PABPC1L: variants seen among roughly 807,000 people sequenced by gnomAD.
PABPC1L encodes poly(A) binding protein cytoplasmic 1 like.
Under a neutral mutation model 66.6 loss-of-function variants are expected in PABPC1L, and 31 were observed. The ratio of observed to expected loss-of-function variants is 0.47; its 90% CI spans 0.35 to 0.63. PABPC1L has a LOEUF of 0.63. PABPC1L is among the 20% of genes least tolerant of loss of function. The pLI is 0.00. For missense variants in PABPC1L, 722 were observed against 848.8 expected (o/e 0.85, Z 1.86); for synonymous variants, 348 against 335.1 (o/e 1.04, Z -0.42).
rs749525367 is a variant in PABPC1L, at chr20:44,933,748, A to ATTT, written c.1459+581_1459+583dup. Among the ~76,000 whole-genome samples, 132 of 119,452 alleles carry ATTT rather than the reference A, an allele frequency of 1.1e-3. 1 individual carries two copies. The highest frequency in any genetic ancestry group is 3.9e-3 in the African/African-American group (121 of 30,640). 78.4% of individuals were successfully genotyped at this position (119,452 alleles called of 152,430 possible). ...GCATGAGCCACTGTGCCCAGCCTTAATTTTTTTTTTTTTTTTTTTTGAGAT... is the reference window on the plus strand; with the variant it reads ...GCATGAGCCACTGTGCCCAGCCTTAATTTTTTTTTTTTTTTTTTTTTTTGAGAT... On this transcript the variant is annotated intron_variant, in intron 10 of 14. Coordinates refer to ENST00000217073, the MANE Select transcript of PABPC1L (RefSeq NM_001372179.1).
Position 44,935,515 on chromosome 20 carries a change from G to A in PABPC1L, c.1566+18G>A, listed in dbSNP as rs1266296428. On this transcript the variant is annotated intron_variant, in intron 11 of 14. Transcript: ENST00000217073. ...CCTATCGGGTAAGGCCAGCCCAGCT[G>A]CCTGCTCTTAGCCTGGGCTCCTGGC... 6.2e-7 allele frequency: 1 copy of A among 1,609,530 alleles called. No homozygotes were observed.
At chr20:44,923,173 T>G (rs2066785963) in intron 6 of PABPC1L, among the ~76,000 whole-genome samples, 1 of 152,258 alleles carries the variant, frequency 6.6e-6, no homozygotes, top group Non-Finnish European at 1.5e-5. Flanking sequence ...AACAGTGAGA[T>G]GCACAGACTC....
In PABPC1L at chr20:44,912,761, G is replaced by A. The variant is rs1199971859; in HGVS notation, c.295G>A (p.Gly99Ser). The change falls in exon 2 of 15, where the codon GGC (glycine) becomes AGC (serine). Residue 99 changes from glycine to serine, a missense_variant. Coordinates refer to ENST00000217073, the MANE Select transcript of PABPC1L (RefSeq NM_001372179.1). ...CCCAGGACTTCGCAAGTCAGGTGTGGGCAACATCTTCATCAAGAACCTGGA... is the reference window on the plus strand; with the variant it reads ...CCCAGGACTTCGCAAGTCAGGTGTGAGCAACATCTTCATCAAGAACCTGGA... ...RDPGLRKSGV[G>S]NIFIKNLEDS... The A allele has an allele frequency of 1.2e-6, 2 of 1,613,934 alleles. No homozygotes were observed. The highest frequency in any genetic ancestry group is 8.5e-7 in the Non-Finnish European group (1 of 1,179,996).
chr20:44,937,410 C>A (rs1568653942), intron 12 of PABPC1L, among the ~76,000 whole-genome samples: 1 of 151,774 alleles, frequency 6.6e-6, no homozygotes, highest in African/African-American at 2.4e-5. Context: ...TCCCCTCACC[C>A]CGAAATTTTT....
At chr20:44,935,282 T>C in intron 10 of PABPC1L, 109 bp from the exon 11 acceptor site, 1 of 771,844 alleles carries the variant, frequency 1.3e-6, no homozygotes, top group South Asian at 1.7e-5. Context: ...CTTTACATTC[T>C]TGTCAACGCT....
intron 8 of PABPC1L, among the ~76,000 whole-genome samples, chr20:44,931,050 C>T (rs1568650043): frequency 7.4e-5 from 1 of 13,550 alleles, no homozygotes; most frequent in East Asian, 2.2e-3. Flanking sequence ...CCTCCCTTCC[C>T]TTCCCTTCCC....
At chr20:44,935,029 C>T (rs548448994) in intron 10 of PABPC1L, among the ~76,000 whole-genome samples, 38 of 151,204 alleles carry the variant, frequency 2.5e-4, no homozygotes, top group African/African-American at 7.1e-4. Context: ...GATAACACCA[C>T]TGCACTATAG....
rs1555799624 is a variant in PABPC1L at position 44,931,014 on chromosome 20, T to TCCC, written c.1239+288_1239+289insCCC. Among the ~76,000 whole-genome samples, 395 of 67,712 alleles carry TCCC rather than the reference T, an allele frequency of 5.8e-3. 8 individuals carry two copies. Among genetic ancestry groups the TCCC allele is most frequent in the African/African-American group, 0.028 (381 of 13,850 alleles). The allele number at this position is 67,712 out of a possible 152,430, so 44.4% of individuals were successfully genotyped here. A position where few individuals can be genotyped will look rare whatever the true frequency, so the allele number is the denominator to read the frequency against. On this transcript the variant is annotated intron_variant, in intron 8 of 14. Coordinates refer to ENST00000217073, the MANE Select transcript of PABPC1L (RefSeq NM_001372179.1). ...CCTACATTTTTCCTTCCTCCCTTCC[T>TCCC]TCCCTTCCCTCCCTTCCCTCCCTTC...
chr20:44,938,059 A>G lies in PABPC1L; in HGVS notation c.1661-2A>G. 1 of 1,614,164 alleles carries G rather than the reference A, an allele frequency of 6.2e-7. No individual in the cohort carries two copies. ...CAAGCCATTAGAAGGTGTTCCACAC[A>G]GGGGAGCGTCTCTACCCCCTTATCC... On this transcript the variant is annotated splice_acceptor_variant, in intron 12 of 14. Coordinates refer to ENST00000217073, the MANE Select transcript of PABPC1L (RefSeq NM_001372179.1). LOFTEE classifies it high-confidence loss of function.
chr20:44,921,948 T>G (rs1192495419), intron 6 of PABPC1L, among the ~76,000 whole-genome samples: 1 of 152,104 alleles, frequency 6.6e-6, no homozygotes, highest in African/African-American at 2.4e-5. Flanking sequence ...TTAGTAGGGG[T>G]GCTGGGGACC....
At position 44,921,639 on chromosome 20, in the gene PABPC1L, T is replaced by A. The variant is rs1379732808; in HGVS notation, c.784T>A (p.Tyr262Asn). ...NGKEVSGRLLYAGRAQKRVER... is the reference protein window; with the variant it reads ...NGKEVSGRLLNAGRAQKRVER... ...GAAGGAGGTGAGCGGGCGGCTGCTG[T>A]ACGCGGGCCGGGCCCAAAAGCGCGT... The change falls in exon 6 of 15, where the codon TAC becomes AAC. Residue 262 changes from tyrosine to asparagine, a missense_variant. By Grantham distance (143) the Tyr-to-Asn change is moderately radical (BLOSUM62 -2). Transcript: ENST00000217073. 6.2e-7 allele frequency: 1 copy of A among 1,613,944 alleles called. No individual in the cohort carries two copies. Among genetic ancestry groups the A allele is most frequent in the Non-Finnish European group, 8.5e-7 (1 of 1,180,008 alleles).
rs1238094461 is a variant in PABPC1L, at chr20:44,912,909, T to TAG, written c.387+59_387+60dup. ...AGATCGGTGTCAACTACCTGCCTGG[T>TAG]AGAGGGGTGACAAGCAACACCTCAC... On this transcript the variant is annotated intron_variant, in intron 2 of 14. Coordinates refer to ENST00000217073, the MANE Select transcript of PABPC1L (RefSeq NM_001372179.1). 2.0e-6 allele frequency: 3 copies of TAG among 1,497,618 alleles called. No homozygotes were observed. In the African/African-American group the frequency reaches 4.1e-5, roughly 21 times the overall value. 92.8% of individuals were successfully genotyped at this position (1,497,618 alleles called of 1,614,324 possible).
chr20:44,911,961 A>G (rs937736459), intron 1 of PABPC1L, among the ~76,000 whole-genome samples: 3 of 152,202 alleles, frequency 2.0e-5, no homozygotes, highest in African/African-American at 7.2e-5. Flanking sequence ...AGGCTGCAGC[A>G]GTGGCCGGAG....
intron 8 of PABPC1L, among the ~76,000 whole-genome samples, chr20:44,931,105 C>T (rs1601121673): frequency 7.7e-6 from 1 of 130,198 alleles, no homozygotes; most frequent in Non-Finnish European, 1.7e-5. Context: ...TCCTTCCTTC[C>T]TTCGTGGGGT....
At position 44,910,324 on chromosome 20, in the gene PABPC1L, C is replaced by T; in HGVS notation, c.181C>T (p.Gln61Ter). 6.6e-7 allele frequency: 1 copy of T among 1,514,432 alleles called. No individual in the cohort carries two copies. Among genetic ancestry groups the T allele is most frequent in the Non-Finnish European group, 8.9e-7 (1 of 1,124,156 alleles). 93.8% of individuals were successfully genotyped at this position (1,514,432 alleles called of 1,614,324 possible). A position where few individuals can be genotyped will look rare whatever the true frequency, so the allele number is the denominator to read the frequency against. Residue 61 changes from glutamine to a stop codon, truncating the protein, a stop_gained, in exon 1 of 15, where the codon CAG (glutamine) becomes TAG (stop). Coordinates refer to ENST00000217073, the MANE Select transcript of PABPC1L (RefSeq NM_001372179.1). LOFTEE classifies it high-confidence loss of function. ...GGGCTACGCCTACATCAACTTCCAG[C>T]AGCCCGCGGACGGTGAGCCCCGGGG... ...SLGYAYINFQQPADAERALDT... is the reference protein window; with the variant it reads ...SLGYAYINFQ
intron 2 of PABPC1L, among the ~76,000 whole-genome samples, chr20:44,916,507 C>G (rs2066738600): frequency 6.6e-6 from 1 of 152,194 alleles, no homozygotes; most frequent in Non-Finnish European, 1.5e-5. Context: ...CTCCTGACCT[C>G]AAGTGATATG....
At chr20:44,928,986 C>CT (rs533402451) in intron 7 of PABPC1L, among the ~76,000 whole-genome samples, 9 of 151,208 alleles carry the variant, frequency 6.0e-5, no homozygotes, top group Admixed American at 5.3e-4. Context: ...AGGTTAAAAA[C>CT]CCAGGGCCAG....
chr20:44,937,934 C>T lies in PABPC1L; in HGVS notation c.1661-127C>T, dbSNP rs550914743. 7.8e-5 allele frequency: 100 copies of T among 1,285,506 alleles called. No individual in the cohort carries two copies. The African/African-American group carries it at 1.4e-3, about 18-fold the overall frequency. The allele number at this position is 1,285,506 out of a possible 1,614,324, so 79.6% of individuals were successfully genotyped here. On this transcript the variant is annotated intron_variant, in intron 12 of 14. Transcript: ENST00000217073. ...TGTTAGAAGATCAAGTGTTAAATGT[C>T]ATAGCCTAGAAGGAGCAGTTCTGGG...
At chr20:44,922,163 G>A (rs1006264659) in intron 6 of PABPC1L, among the ~76,000 whole-genome samples, 1 of 152,216 alleles carries the variant, frequency 6.6e-6, no homozygotes, top group East Asian at 1.9e-4. Flanking sequence ...TTTGAATTAT[G>A]TGGAGTTAAT....
Sources: allele counts gnomAD v4.1 joint callset (sites outside exome capture counted in the v4.1 genomes callset), GRCh38; gene constraint gnomAD v4.1.1; transcripts MANE v1.5; gene names NCBI Gene and HGNC (gene_info 2026-07-23, HGNC 2026-07-21).